The following HS6ST2 variants were observed in gnomAD, a reference collection of about 807,000 sequenced individuals.
HS6ST2 encodes the protein heparan-sulfate 6-O-sulfotransferase 2.
In HS6ST2, 17 loss-of-function variants were observed where a neutral mutation model predicts 33.0. The ratio of observed to expected loss-of-function variants is 0.52; its 90% CI spans 0.35 to 0.77. The LOEUF (loss-of-function observed/expected upper bound fraction) is 0.77. HS6ST2 is among the 30% of genes least tolerant of loss of function. The pLI is 0.01. For synonymous variants in HS6ST2, 248 were observed against 237.1 expected, an observed-to-expected ratio of 1.05 and a Z score of -0.42; for missense variants, 519 against 551.7, an observed-to-expected ratio of 0.94 and a Z score of 0.59.
At chrX:132,693,133 G>C (rs771495898) in intron 3 of HS6ST2, among the ~76,000 whole-genome samples, 2 of 112,032 alleles carry the variant, frequency 1.8e-5, no homozygotes, top group African/African-American at 6.5e-5. Context: ...CTCATATGAC[G>C]AATATGGTAG....
At chrX:132,955,733 A>G (rs1445314655) in intron 2 of HS6ST2, among the ~76,000 whole-genome samples, 4 of 111,943 alleles carry the variant, frequency 3.6e-5, no homozygotes, top group African/African-American at 6.5e-5. Context: ...ACTGCACCCC[A>G]TAGCACTCAC....
chrX:132,901,850 T>G (rs1282138421), intron 2 of HS6ST2, among the ~76,000 whole-genome samples: 6 of 111,177 alleles, frequency 5.4e-5, no homozygotes, highest in Non-Finnish European at 9.4e-5. Flanking sequence ...AGAGATATGT[T>G]GAGGGGAAAA....
chrX:132,668,762 A>G (rs1426980444), intron 4 of HS6ST2, among the ~76,000 whole-genome samples: 1 of 111,579 alleles, frequency 9.0e-6, no homozygotes, highest in Non-Finnish European at 1.9e-5. Flanking sequence ...TGTAAGTCAT[A>G]AATCAGTGCT....
intron 2 of HS6ST2, among the ~76,000 whole-genome samples, chrX:132,917,531 C>T (rs1339304302): frequency 2.7e-5 from 3 of 109,144 alleles, no homozygotes; most frequent in East Asian, 2.9e-4. Flanking sequence ...ACCCGGGAAC[C>T]GGAAGTTGCA....
chrX:132,637,977 T>G (rs1417684911), intron 4 of HS6ST2, among the ~76,000 whole-genome samples: 2 of 79,128 alleles, frequency 2.5e-5, no homozygotes, highest in African/African-American at 9.3e-5. Context: ...TTTATATATA[T>G]ATATAAAAGT....
At chrX:132,904,972 T>C (rs2066458325) in intron 2 of HS6ST2, among the ~76,000 whole-genome samples, 1 of 111,600 alleles carries the variant, frequency 9.0e-6, no homozygotes, top group South Asian at 3.8e-4. Context: ...GTGATTTTAA[T>C]ATGCATTTTT....
At chrX:132,668,435 C>G (rs2063827334) in intron 4 of HS6ST2, 1 of 110,829 alleles carries the variant, frequency 9.0e-6, no homozygotes. Context: ...TGGGATCACA[C>G]TGCCTGAGTT....
intron 2 of HS6ST2, among the ~76,000 whole-genome samples, chrX:132,855,772 A>G (rs984564205): frequency 9.0e-6 from 1 of 111,620 alleles, no homozygotes; most frequent in African/African-American, 3.3e-5. Flanking sequence ...GAATTCAACT[A>G]CAATAGTTTA....
intron 4 of HS6ST2, chrX:132,668,215 T>C (rs1221438394): frequency 1.8e-5 from 2 of 111,833 alleles, no homozygotes; most frequent in African/African-American, 6.5e-5. Flanking sequence ...TGTAGTGACA[T>C]ATCTTATTGC....
intron 2 of HS6ST2, among the ~76,000 whole-genome samples, chrX:132,750,778 A>G (rs921577657): frequency 2.7e-5 from 3 of 112,627 alleles, no homozygotes; most frequent in Non-Finnish European, 5.6e-5. Context: ...TTACACCATT[A>G]GTACACCAAG....
intron 2 of HS6ST2, among the ~76,000 whole-genome samples, chrX:132,778,566 AT>A (rs750381549): frequency 1.0e-3 from 106 of 102,246 alleles, no homozygotes; most frequent in Non-Finnish European, 1.8e-3. Context: ...CACCCAGCTA[AT>A]TTTTTTTTTT....
intron 2 of HS6ST2, among the ~76,000 whole-genome samples, chrX:132,949,580 G>C (rs1223545039): frequency 9.1e-6 from 1 of 110,210 alleles, no homozygotes. Flanking sequence ...CTCATTAAAG[G>C]CTCCCAGGAT....
intron 2 of HS6ST2, among the ~76,000 whole-genome samples, chrX:132,930,153 GTTGTTTTGTT>G (rs776562105): frequency 9.1e-6 from 1 of 109,806 alleles, no homozygotes; most frequent in East Asian, 2.9e-4. Context: ...TGTTGTTGTT[GTTGTTTTGTT>G]TTGTTTTGTT....
chrX:132,804,890 T>C (rs1007851293), intron 2 of HS6ST2, among the ~76,000 whole-genome samples: 10 of 111,934 alleles, frequency 8.9e-5, no homozygotes, highest in Non-Finnish European at 1.9e-4. Context: ...CTGATTCTTC[T>C]TTAAAGCAAC....
At chrX:132,713,515 T>A (rs1438158056) in intron 2 of HS6ST2, among the ~76,000 whole-genome samples, 5 of 110,963 alleles carry the variant, frequency 4.5e-5, no homozygotes, top group Non-Finnish European at 7.6e-5. Flanking sequence ...AGTAACCACA[T>A]CACTGATATG....
At chrX:132,897,259 C>G (rs2066384808) in intron 2 of HS6ST2, among the ~76,000 whole-genome samples, 1 of 106,091 alleles carries the variant, frequency 9.4e-6, no homozygotes, top group Non-Finnish European at 1.9e-5. Context: ...CTTGGAGGTG[C>G]TGGGGGCGGG....
intron 2 of HS6ST2, among the ~76,000 whole-genome samples, chrX:132,781,889 AT>A (rs1347526734): frequency 1.8e-5 from 2 of 112,102 alleles, no homozygotes; most frequent in African/African-American, 6.5e-5. Context: ...TCAAGATGTG[AT>A]TTGGGTGGGG....
At chrX:132,835,910 T>C (rs1462255521) in intron 2 of HS6ST2, among the ~76,000 whole-genome samples, 11 of 111,612 alleles carry the variant, frequency 9.9e-5, no homozygotes, top group Non-Finnish European at 2.1e-4. Flanking sequence ...AGCAAGACTG[T>C]CTGGGGTGGA....
At chrX:132,678,409 A>G (rs1289433863) in intron 3 of HS6ST2, among the ~76,000 whole-genome samples, 1 of 112,203 alleles carries the variant, frequency 8.9e-6, no homozygotes, top group African/African-American at 3.2e-5. Context: ...GGCCATGCCA[A>G]CAAGATATTG....
Sources: allele counts gnomAD v4.1 joint callset (sites outside exome capture counted in the v4.1 genomes callset), GRCh38; gene constraint gnomAD v4.1.1; transcripts MANE v1.5; gene names NCBI Gene and HGNC (gene_info 2026-07-23, HGNC 2026-07-21).